Variants in DTNB observed in about 807,000 individuals in gnomAD.
DTNB encodes the protein dystrobrevin beta, also known as DTN-B.
A neutral mutation model predicts 90.7 loss-of-function variants in DTNB; 63 were observed. That is an observed-to-expected ratio of 0.69 (90% CI 0.57 to 0.86). DTNB has a LOEUF of 0.86. Among genes scored for constraint, DTNB ranks in the 40% least tolerant of loss-of-function variants. DTNB has a pLI of 0.00. For synonymous variants in DTNB, 277 were observed against 286.7 expected, an observed-to-expected ratio of 0.97 and a Z score of 0.34; for missense variants, 744 against 807.1, an observed-to-expected ratio of 0.92 and a Z score of 0.95.
At chr2:25,457,595 T>C (rs2060243761) in intron 10 of DTNB, among the ~76,000 whole-genome samples, 1 of 152,166 alleles carries the variant, frequency 6.6e-6, no homozygotes. Context: ...GTCCCGAGAA[T>C]ACTCACTGGC....
intron 4 of DTNB, among the ~76,000 whole-genome samples, chr2:25,611,309 CAAAT>C (rs569303146): frequency 3.3e-5 from 5 of 151,994 alleles, no homozygotes; most frequent in Non-Finnish European, 7.4e-5. Flanking sequence ...ACTATAGGTA[CAAAT>C]AAATACTTGT....
At chr2:25,480,466 G>A (rs535844479) in intron 10 of DTNB, among the ~76,000 whole-genome samples, 143 of 152,042 alleles carry the variant, frequency 9.4e-4, no homozygotes, top group Non-Finnish European at 1.9e-3. Flanking sequence ...GGCAATCACA[G>A]CTGGCTACTT....
chr2:25,627,736 C>CTTT (rs569673438), intron 4 of DTNB, among the ~76,000 whole-genome samples: 1 of 136,088 alleles, frequency 7.3e-6, no homozygotes, highest in Non-Finnish European at 1.6e-5. Context: ...AATAATTTTC[C>CTTT]TTTTTTTTTT....
At chr2:25,537,361 C>T (rs1037481643) in intron 8 of DTNB, among the ~76,000 whole-genome samples, 1 of 152,102 alleles carries the variant, frequency 6.6e-6, no homozygotes, top group South Asian at 2.1e-4. Flanking sequence ...AATGCATTAT[C>T]ACACAGACTA....
chr2:25,452,757 TTCTA>T (rs2059466752), intron 11 of DTNB, among the ~76,000 whole-genome samples: 1 of 152,074 alleles, frequency 6.6e-6, no homozygotes. Flanking sequence ...TTTTTAATCT[TTCTA>T]TCTCTTTGGC....
chr2:25,548,935 G>A (rs2083019077), intron 8 of DTNB, among the ~76,000 whole-genome samples: 1 of 152,298 alleles, frequency 6.6e-6, no homozygotes, highest in East Asian at 1.9e-4. Context: ...ATGTTACTAA[G>A]AGCAGGATAA....
intron 6 of DTNB, among the ~76,000 whole-genome samples, chr2:25,583,540 CAG>C (rs1280076733): frequency 6.6e-6 from 1 of 151,020 alleles, no homozygotes; most frequent in Non-Finnish European, 1.5e-5. Flanking sequence ...TTTTTTGAGA[CAG>C]AGTCTCGCTC....
rs557296325 is a variant in DTNB at position 25,621,602 on chromosome 2, C to G, written c.362+6569G>C. On this transcript the variant is annotated intron_variant, in intron 4 of 20. Coordinates refer to ENST00000406818, the MANE Select transcript of DTNB (RefSeq NM_021907.5). ...TTACAGGCATGCACCACCACCATGC[C>G]TGGCTAATTTTTTTTTTTTTTTTTT... is the stretch of plus-strand genomic sequence containing the variant. Among the ~76,000 whole-genome samples, 178 of 148,144 alleles carry G rather than the reference C, an allele frequency of 1.2e-3. 1 individual carries two copies. The highest frequency in any genetic ancestry group is 4.2e-3 in the African/African-American group (169 of 40,132).
intron 4 of DTNB, among the ~76,000 whole-genome samples, chr2:25,618,750 C>T (rs1363492365): frequency 6.6e-6 from 1 of 152,188 alleles, no homozygotes; most frequent in African/African-American, 2.4e-5. Flanking sequence ...TAGAAGCCCT[C>T]CAGGGAATGT....
intron 3 of DTNB, among the ~76,000 whole-genome samples, chr2:25,635,672 T>C (rs2076970856): frequency 6.6e-6 from 1 of 152,122 alleles, no homozygotes; most frequent in Non-Finnish European, 1.5e-5. Flanking sequence ...TAAATTATAC[T>C]TGAAAAAAGA....
chr2:25,396,326 C>T (rs1359207789), intron 16 of DTNB, among the ~76,000 whole-genome samples: 7 of 152,098 alleles, frequency 4.6e-5, no homozygotes, highest in Non-Finnish European at 8.8e-5. Context: ...GCCTGGCCAA[C>T]ATGGTGAAAC....
At chr2:25,558,430 T>A in intron 8 of DTNB, 1 of 984,922 alleles carries the variant, frequency 1.0e-6, no homozygotes, top group Non-Finnish European at 1.2e-6. Context: ...AAAAAAGATC[T>A]AAAGTTGACA....
chr2:25,590,500 T>C (rs2063351306), intron 6 of DTNB, among the ~76,000 whole-genome samples: 1 of 151,572 alleles, frequency 6.6e-6, no homozygotes, highest in Non-Finnish European at 1.5e-5. Context: ...GTGGGTAGCT[T>C]CTCTCTGCAG....
chr2:25,657,194 G>A (rs2082230326), intron 1 of DTNB, among the ~76,000 whole-genome samples: 2 of 151,602 alleles, frequency 1.3e-5, no homozygotes, highest in Admixed American at 6.6e-5. Context: ...ATAAATGAAA[G>A]GGTTGAAACT....
intron 10 of DTNB, among the ~76,000 whole-genome samples, chr2:25,472,906 T>A (rs1022949209): frequency 3.3e-5 from 5 of 152,106 alleles, no homozygotes; most frequent in African/African-American, 7.2e-5. Flanking sequence ...AAATAAATAA[T>A]TAACAATTCA....
intron 8 of DTNB, among the ~76,000 whole-genome samples, chr2:25,542,285 C>G (rs536464598): frequency 1.3e-5 from 2 of 152,204 alleles, no homozygotes; most frequent in South Asian, 4.2e-4. Flanking sequence ...TTATATGAGT[C>G]TTTTGAGATA....
chr2:25,486,767 T>C (rs189270270), intron 9 of DTNB, among the ~76,000 whole-genome samples: 9 of 152,198 alleles, frequency 5.9e-5, no homozygotes, highest in Admixed American at 4.6e-4. Flanking sequence ...TGCTACAAAT[T>C]ATAGAAACTT....
intron 8 of DTNB, among the ~76,000 whole-genome samples, chr2:25,551,637 A>T (rs1300100103): frequency 3.9e-5 from 6 of 152,244 alleles, no homozygotes; most frequent in African/African-American, 1.4e-4. Flanking sequence ...TTGGGTATGG[A>T]ACATTTCTTA....
intron 16 of DTNB, among the ~76,000 whole-genome samples, chr2:25,418,115 TAAAG>T (rs949734734): frequency 1.3e-5 from 2 of 152,106 alleles, no homozygotes; most frequent in Non-Finnish European, 2.9e-5. Context: ...TCTGTGTGAA[TAAAG>T]AAAAAAGCAA....
Sources: allele counts gnomAD v4.1 joint callset (sites outside exome capture counted in the v4.1 genomes callset), GRCh38; gene constraint gnomAD v4.1.1; transcripts MANE v1.5; gene names NCBI Gene and HGNC (gene_info 2026-07-23, HGNC 2026-07-21).